DYNLL1: variants seen among roughly 807,000 people sequenced by gnomAD.
The protein encoded by DYNLL1 is dynein light chain LC8-type 1.
DYNLL1 carries 3 observed loss-of-function variants against 10.1 expected under a neutral mutation model. The ratio of observed to expected loss-of-function variants is 0.30; its 90% CI spans 0.14 to 0.77. The LOEUF is 0.77. Ranked by LOEUF, DYNLL1 falls within the 30% of genes least tolerant of loss-of-function variation. The pLI, the probability that DYNLL1 is intolerant of heterozygous loss-of-function variation, is 0.66. For synonymous variants in DYNLL1, 46 were observed against 41.2 expected (o/e 1.12, Z -0.45); for missense variants, 47 against 111.7 (o/e 0.42, Z 2.61).
chr12:120,497,052 G>C, intron 2 of DYNLL1: 1 of 206,052 alleles, frequency 4.9e-6, no homozygotes, highest in Non-Finnish European at 9.9e-6. Context: ...GTGTTTGCTG[G>C]AAGGGAAGAA....
intron 1 of DYNLL1, among the ~76,000 whole-genome samples, chr12:120,470,816 G>A (rs575997667): frequency 6.6e-6 from 1 of 152,098 alleles, no homozygotes; most frequent in African/African-American, 2.4e-5. Flanking sequence ...AGGCCAAGGC[G>A]GGAGGATCAC....
At chr12:120,478,224 C>G (rs941836477) in intron 1 of DYNLL1, among the ~76,000 whole-genome samples, 1 of 151,970 alleles carries the variant, frequency 6.6e-6, no homozygotes, top group Admixed American at 6.6e-5. Context: ...TCTCCTGCCT[C>G]GGCTTCCTGA....
At chr12:120,491,199 G>GACAGGAGAGTGTTGGTCTAC (rs1465611444), upstream of DYNLL1, 1 of 152,414 alleles carries the variant, frequency 6.6e-6, no homozygotes, top group Non-Finnish European at 1.5e-5. Flanking sequence ...TGCCCCTGTG[G>GACAGGAGAGTGTTGGTCTAC]ACAGGAGAGT....
rs548811161 is a variant in DYNLL1 at position 120,476,611 on chromosome 12, T to G, written c.-7+6507T>G. On this transcript the variant is annotated intron_variant, in intron 1 of 2. Transcript: ENST00000392509. ...AGAAGGACAGCGGATGTTTGGGGGG[T>G]TTTTTTGTTTGTTTTTTGAGACAGA... Among the ~76,000 whole-genome samples the G allele has an allele frequency of 3.3e-5, 5 of 151,926 alleles. No individual in the cohort carries two copies. The South Asian group carries it at 1.0e-3, about 32-fold the overall frequency.
At chr12:120,485,250 G>A (rs1878966342) in intron 1 of DYNLL1, among the ~76,000 whole-genome samples, 2 of 115,544 alleles carry the variant, frequency 1.7e-5, no homozygotes, top group Non-Finnish European at 3.4e-5. Context: ...GTTGTAGAAG[G>A]CTTTTTTTTT....
At chr12:120,473,909 G>A (rs1458957832) in intron 1 of DYNLL1, among the ~76,000 whole-genome samples, 2 of 151,872 alleles carry the variant, frequency 1.3e-5, no homozygotes, top group Non-Finnish European at 2.9e-5. Flanking sequence ...GGTTGAAGCT[G>A]TAGTTAGCCA....
At chr12:120,496,042 C>CTAGGGGCGGGGCCGGCGG (rs1868371939), upstream of DYNLL1, 5 of 353,182 alleles carry the variant, frequency 1.4e-5, no homozygotes, top group Non-Finnish European at 2.1e-5. Context: ...GGTCGCGCGG[C>CTAGGGGCGGGGCCGGCGG]GAGGGGCGGG....
chr12:120,470,914 G>A (rs529375382), intron 1 of DYNLL1, among the ~76,000 whole-genome samples: 1 of 151,936 alleles, frequency 6.6e-6, no homozygotes, highest in South Asian at 2.1e-4. Flanking sequence ...GCGTGGTGGC[G>A]TGTTCCTATA....
intron 1 of DYNLL1, among the ~76,000 whole-genome samples, chr12:120,479,727 G>C (rs553993977): frequency 1.3e-4 from 20 of 152,244 alleles, no homozygotes; most frequent in South Asian, 1.0e-3. Flanking sequence ...GAGGACAGAG[G>C]CAAGCTTGGG....
Position 120,482,214 on chromosome 12 carries a change from G to A in DYNLL1, c.-7+12110G>A, listed in dbSNP as rs1239515909. Among the ~76,000 whole-genome samples the A allele has an allele frequency of 5.3e-5, 8 of 152,290 alleles. No homozygotes were observed. In the East Asian group the frequency reaches 9.6e-4, roughly 18 times the overall value. On this transcript the variant is annotated intron_variant, in intron 1 of 2. Transcript: ENST00000392509. ...ACTTGGGAGCTGAGACAGGAAGATC[G>A]CTGGAGGCCAGGAGTTTGAGGCTAT...
upstream of DYNLL1, chr12:120,495,146 C>T (rs1312886395): frequency 6.6e-6 from 1 of 152,172 alleles, no homozygotes; most frequent in Non-Finnish European, 1.5e-5. Flanking sequence ...TCAACTCCCC[C>T]AAGATCTTGC....
upstream of DYNLL1, among the ~76,000 whole-genome samples, chr12:120,495,590 C>T (rs1185315186): frequency 6.6e-6 from 1 of 151,398 alleles, no homozygotes; most frequent in African/African-American, 2.4e-5. Flanking sequence ...GGTTTACCCA[C>T]GAAGCCGGCC....
In DYNLL1 at chr12:120,496,403, C is replaced by T. The variant is rs1315124346; in HGVS notation, c.-6-13C>T. 13 of 1,613,768 alleles carry T rather than the reference C, an allele frequency of 8.1e-6. No homozygotes were observed. The highest frequency in any genetic ancestry group is 1.0e-5 in the Non-Finnish European group (12 of 1,179,976). ...GCCCAACTCAACCCCTTACCCCAGG[C>T]CTTGCCCACTAGGTAACCATGTGCG... On this transcript the variant is annotated splice_polypyrimidine_tract_variant and intron_variant, in intron 1 of 2. Transcript: ENST00000242577.
At chr12:120,491,945 T>A (rs1401013010), upstream of DYNLL1, 1 of 152,210 alleles carries the variant, frequency 6.6e-6, no homozygotes. Context: ...TCCAGCGACA[T>A]TACTCTGTTC....
At chr12:120,495,981 T>G, upstream of DYNLL1, 1 of 249,192 alleles carries the variant, frequency 4.0e-6, no homozygotes, top group South Asian at 5.0e-5. Flanking sequence ...GAGGGAACCA[T>G]GGAGTCAATG....
upstream of DYNLL1, among the ~76,000 whole-genome samples, chr12:120,493,254 T>G (rs957805447): frequency 6.6e-6 from 1 of 152,206 alleles, no homozygotes; most frequent in Admixed American, 6.5e-5. Flanking sequence ...GCATACTTAT[T>G]AGGCCGGGTG....
chr12:120,487,023 G>GGA (rs1879009970), intron 1 of DYNLL1, among the ~76,000 whole-genome samples: 1 of 149,776 alleles, frequency 6.7e-6, no homozygotes, highest in Non-Finnish European at 1.5e-5. Flanking sequence ...CGCCCAGGCT[G>GGA]GAGTGCAATG....
chr12:120,493,627 T>A (rs968534526), upstream of DYNLL1, among the ~76,000 whole-genome samples: 3 of 151,522 alleles, frequency 2.0e-5, no homozygotes, highest in African/African-American at 7.3e-5. Flanking sequence ...TTATTTATTT[T>A]TTTTGAGAGA....
intron 1 of DYNLL1, among the ~76,000 whole-genome samples, chr12:120,479,472 AATAAT>A (rs1878837282): frequency 7.6e-5 from 6 of 79,430 alleles, no homozygotes; most frequent in Admixed American, 1.4e-4. Context: ...AAAAAAAAAT[AATAAT>A]AATAATAATA....
Sources: allele counts gnomAD v4.1 joint callset (sites outside exome capture counted in the v4.1 genomes callset), GRCh38; gene constraint gnomAD v4.1.1; transcripts MANE v1.5; gene names NCBI Gene and HGNC (gene_info 2026-07-23, HGNC 2026-07-21).